Variants in NRXN1 observed in about 807,000 individuals in gnomAD.
The protein encoded by NRXN1 is neurexin 1, also known as neurexin-1.
A neutral mutation model predicts 150.9 loss-of-function variants in NRXN1; 39 were observed. That is an observed-to-expected ratio of 0.26 (90% CI 0.20 to 0.34). NRXN1 has a LOEUF of 0.34. Among genes scored for constraint, NRXN1 ranks in the 10% least tolerant of loss-of-function variants. The pLI is 1.00. For missense variants in NRXN1, 1,815 were observed against 1,949.9 expected (o/e 0.93, Z 1.30); for synonymous variants, 924 against 757.0 (o/e 1.22, Z -3.62).
intron 18 of NRXN1, among the ~76,000 whole-genome samples, chr2:50,104,006 C>A (rs1701318847): frequency 6.6e-6 from 1 of 151,960 alleles, no homozygotes; most frequent in Non-Finnish European, 1.5e-5. Flanking sequence ...CCTTGCCTTC[C>A]CCATCCCAAA....
intron 2 of NRXN1, among the ~76,000 whole-genome samples, chr2:51,003,607 G>A (rs1314543966): frequency 2.6e-5 from 4 of 151,868 alleles, no homozygotes; most frequent in Non-Finnish European, 5.9e-5. Context: ...GGCAGACTGG[G>A]CAAAAGATAA....
intron 17 of NRXN1, among the ~76,000 whole-genome samples, chr2:50,300,404 C>T (rs1014234488): frequency 2.0e-5 from 3 of 152,248 alleles, no homozygotes; most frequent in African/African-American, 7.2e-5. Context: ...ACAAAGCCAC[C>T]AACTCCAGTG....
At chr2:50,198,368 T>C (rs2061911557) in intron 18 of NRXN1, among the ~76,000 whole-genome samples, 1 of 152,056 alleles carries the variant, frequency 6.6e-6, no homozygotes. Context: ...CTAGCCATGA[T>C]CCCATGTAGG....
intron 8 of NRXN1, among the ~76,000 whole-genome samples, chr2:50,570,063 G>C (rs1400962985): frequency 1.3e-5 from 2 of 152,022 alleles, no homozygotes; most frequent in South Asian, 2.1e-4. Context: ...CTAAATTAAA[G>C]AGCAAAAAAT....
intron 17 of NRXN1, among the ~76,000 whole-genome samples, chr2:50,263,219 C>T (rs951551657): frequency 2.6e-5 from 4 of 151,320 alleles, no homozygotes; most frequent in Non-Finnish European, 5.9e-5. Context: ...ATGACCTGTT[C>T]AGTGTCATAA....
intron 21 of NRXN1, among the ~76,000 whole-genome samples, chr2:50,002,346 G>A (rs1338714716): frequency 1.3e-5 from 2 of 152,150 alleles, no homozygotes; most frequent in Non-Finnish European, 2.9e-5. Context: ...GTTTCAGGCT[G>A]AGCAGCCTTG....
intron 8 of NRXN1, among the ~76,000 whole-genome samples, chr2:50,571,109 C>T (rs1670599885): frequency 6.6e-6 from 1 of 152,116 alleles, no homozygotes; most frequent in Non-Finnish European, 1.5e-5. Context: ...CTGGCCATGG[C>T]TTTAGCTATA....
intron 17 of NRXN1, among the ~76,000 whole-genome samples, chr2:50,462,750 A>C (rs1427949228): frequency 6.6e-6 from 1 of 151,858 alleles, no homozygotes; most frequent in Non-Finnish European, 1.5e-5. Context: ...CTTTCAGTTC[A>C]ATTAATTAGT....
chr2:50,620,943 A>G (rs1679902895), intron 7 of NRXN1: 7 of 375,208 alleles, frequency 1.9e-5, no homozygotes, highest in Non-Finnish European at 2.8e-5. Flanking sequence ...GCCAGCCACC[A>G]TTTTGTCTTA....
intron 5 of NRXN1, among the ~76,000 whole-genome samples, chr2:50,861,700 G>C (rs1008747155): frequency 6.6e-6 from 1 of 151,994 alleles, no homozygotes; most frequent in African/African-American, 2.4e-5. Flanking sequence ...CAAATGTAGG[G>C]TGTGGCTATA....
At chr2:50,084,668 A>G (rs35072513) in intron 19 of NRXN1, among the ~76,000 whole-genome samples, 50,802 of 152,132 alleles carry the variant, frequency 0.33, 9,809 homozygotes, top group African/African-American at 0.51. Context: ...GTGCAGTGGC[A>G]GGCTGAAGGG....
chr2:50,969,979 G>A (rs1575086779), intron 2 of NRXN1, among the ~76,000 whole-genome samples: 1 of 152,122 alleles, frequency 6.6e-6, no homozygotes, highest in Admixed American at 6.6e-5. Context: ...TATACTGAGT[G>A]GGGAAACCCA....
chr2:50,936,809 G>A (rs1688617533), intron 2 of NRXN1, among the ~76,000 whole-genome samples: 1 of 152,016 alleles, frequency 6.6e-6, no homozygotes, highest in African/African-American at 2.4e-5. Flanking sequence ...TAGACTATGA[G>A]AATTAAATCA....
intron 5 of NRXN1, among the ~76,000 whole-genome samples, chr2:50,754,895 A>T (rs759357758): frequency 3.3e-5 from 5 of 151,904 alleles, no homozygotes; most frequent in Non-Finnish European, 5.9e-5. Flanking sequence ...ATATTTATTG[A>T]ACACAAGACA....
intron 5 of NRXN1, among the ~76,000 whole-genome samples, chr2:50,899,695 A>G (rs990408286): frequency 6.6e-6 from 1 of 152,308 alleles, no homozygotes; most frequent in Non-Finnish European, 1.5e-5. Flanking sequence ...ACAAGCAGGG[A>G]AATGTGACAA....
At chr2:50,028,275 AT>A (rs1174938142) in intron 21 of NRXN1, among the ~76,000 whole-genome samples, 1 of 152,192 alleles carries the variant, frequency 6.6e-6, no homozygotes, top group Non-Finnish European at 1.5e-5. Context: ...AATATAGAGA[AT>A]TGGGTGCACA....
At position 50,769,239 on chromosome 2, in the gene NRXN1, G is replaced by T. The variant is rs912454064; in HGVS notation, c.833-145624C>A. Reference sequence around the variant, plus strand: ...AAAAACACCTCTTTCCACCTAGAGGGCTCTTAAAACCTGCAGTTAAGCAAG... The same window carrying T: ...AAAAACACCTCTTTCCACCTAGAGGTCTCTTAAAACCTGCAGTTAAGCAAG... On this transcript the variant is annotated intron_variant, in intron 5 of 22. Coordinates refer to ENST00000401669, the MANE Select transcript of NRXN1 (RefSeq NM_001330078.2). Among the ~76,000 whole-genome samples the T allele has an allele frequency of 3.9e-5, 6 of 151,952 alleles. No homozygotes were observed. The East Asian group carries it at 1.2e-3, about 30-fold the overall frequency.
intron 5 of NRXN1, among the ~76,000 whole-genome samples, chr2:50,733,521 TTC>T (rs754784272): frequency 5.9e-5 from 9 of 152,318 alleles, no homozygotes; most frequent in East Asian, 1.9e-4. Context: ...TCTGCAGACT[TTC>T]TGTTTTCTTG....
intron 18 of NRXN1, among the ~76,000 whole-genome samples, chr2:50,179,824 A>G (rs950688003): frequency 1.1e-4 from 16 of 152,114 alleles, no homozygotes; most frequent in African/African-American, 3.9e-4. Flanking sequence ...GGAGTGCTTA[A>G]CCTAGAGCTA....
Sources: gnomAD v4.1 joint callset for allele counts (sites outside exome capture counted in the v4.1 genomes callset) on GRCh38, gnomAD v4.1.1 for gene constraint, MANE v1.5 for transcripts, NCBI Gene and HGNC (gene_info 2026-07-23, HGNC 2026-07-21) for gene names.